Variants in KCNMA1 observed in about 807,000 individuals in gnomAD.
The protein encoded by KCNMA1 is potassium calcium-activated channel subfamily M alpha 1, also known as Calcium-activated potassium channel subunit alpha-1.
KCNMA1 carries 29 observed loss-of-function variants against 140.0 expected under a neutral mutation model. The observed-to-expected ratio is 0.21, with a 90% CI of 0.15 to 0.28. The LOEUF is 0.28. Ranked by LOEUF, KCNMA1 falls within the 10% of genes least tolerant of loss-of-function variation. The pLI, the probability that KCNMA1 is intolerant of heterozygous loss-of-function variation, is 1.00. For synonymous variants in KCNMA1, 612 were observed against 611.9 expected, an observed-to-expected ratio of 1.00 and a Z score of 0.00; for missense variants, 880 against 1,602.2, an observed-to-expected ratio of 0.55 and a Z score of 7.70.
intron 6 of KCNMA1, among the ~76,000 whole-genome samples, chr10:77,114,599 G>GCCCTTC (rs796415084): frequency 3.9e-5 from 6 of 152,238 alleles, no homozygotes; most frequent in African/African-American, 1.4e-4. Context: ...CAACTTGAAA[G>GCCCTTC]CCCTTCCCAT....
At chr10:77,578,037 T>C (rs2074762090) in intron 1 of KCNMA1, among the ~76,000 whole-genome samples, 1 of 152,224 alleles carries the variant, frequency 6.6e-6, no homozygotes, top group Admixed American at 6.5e-5. Context: ...ATTAAACTGG[T>C]GGGATTAGAG....
At chr10:77,629,999 G>A (rs1450592773) in intron 1 of KCNMA1, among the ~76,000 whole-genome samples, 1 of 152,162 alleles carries the variant, frequency 6.6e-6, no homozygotes, top group Non-Finnish European at 1.5e-5. Flanking sequence ...GTGAGAAAAG[G>A]AGCTACTTTC....
intron 1 of KCNMA1, among the ~76,000 whole-genome samples, chr10:77,592,559 G>A (rs1427546765): frequency 6.6e-6 from 1 of 152,148 alleles, no homozygotes; most frequent in African/African-American, 2.4e-5. Context: ...AAATCCAGTT[G>A]GGAAAGATGG....
At chr10:77,556,502 CAAAAAAA>C (rs11446237) in intron 1 of KCNMA1, among the ~76,000 whole-genome samples, 3 of 68,902 alleles carry the variant, frequency 4.4e-5, no homozygotes, top group Admixed American at 2.1e-4. Context: ...GGGACTATCT[CAAAAAAA>C]AAAAAAAAAA....
At chr10:77,125,735 A>G (rs1176656577) in intron 5 of KCNMA1, among the ~76,000 whole-genome samples, 1 of 152,240 alleles carries the variant, frequency 6.6e-6, no homozygotes, top group Non-Finnish European at 1.5e-5. Flanking sequence ...CTATATTTCC[A>G]GCATTGAACA....
At chr10:77,218,932 C>T (rs1192009098) in intron 3 of KCNMA1, among the ~76,000 whole-genome samples, 1 of 152,170 alleles carries the variant, frequency 6.6e-6, no homozygotes, top group South Asian at 2.1e-4. Flanking sequence ...AGTGATCTGC[C>T]CGCCTCGGCC....
intron 20 of KCNMA1, among the ~76,000 whole-genome samples, chr10:76,964,450 T>C (rs2073053691): frequency 6.6e-6 from 1 of 152,182 alleles, no homozygotes; most frequent in Non-Finnish European, 1.5e-5. Context: ...CATGACCATC[T>C]GCTGAGCATG....
intron 1 of KCNMA1, among the ~76,000 whole-genome samples, chr10:77,610,409 T>TA (rs2086397507): frequency 6.6e-6 from 1 of 151,560 alleles, no homozygotes; most frequent in Non-Finnish European, 1.5e-5. Context: ...TGCATATCCA[T>TA]AGCTGCCCTC....
chr10:76,938,439 A>G (rs960276793), intron 23 of KCNMA1, among the ~76,000 whole-genome samples: 3 of 152,100 alleles, frequency 2.0e-5, no homozygotes, highest in African/African-American at 7.2e-5. Flanking sequence ...TTCTTTTTCC[A>G]GTCCAAGGTT....
chr10:77,449,629 T>A (rs971851125), intron 1 of KCNMA1, among the ~76,000 whole-genome samples: 50 of 145,056 alleles, frequency 3.4e-4, no homozygotes, highest in African/African-American at 1.3e-3. Flanking sequence ...TTTTCAATTT[T>A]TTTTTTAATT....
intron 1 of KCNMA1, among the ~76,000 whole-genome samples, chr10:77,561,779 A>AG (rs2066486739): frequency 6.6e-6 from 1 of 152,198 alleles, no homozygotes; most frequent in South Asian, 2.1e-4. Context: ...GTTTCAGAGA[A>AG]GGGATAAGGT....
chr10:77,282,152 C>T (rs1157407328), intron 2 of KCNMA1, among the ~76,000 whole-genome samples: 3 of 152,272 alleles, frequency 2.0e-5, no homozygotes, highest in African/African-American at 7.2e-5. Context: ...TCCCACTTTC[C>T]TCCCATCCCT....
chr10:77,475,875 G>C (rs1361531369), intron 1 of KCNMA1, among the ~76,000 whole-genome samples: 2 of 152,132 alleles, frequency 1.3e-5, no homozygotes, highest in African/African-American at 4.8e-5. Context: ...CCTTGCTCAG[G>C]GTCTCACAGT....
At chr10:77,587,508 G>A (rs2154564046) in intron 1 of KCNMA1, among the ~76,000 whole-genome samples, 1 of 152,266 alleles carries the variant, frequency 6.6e-6, no homozygotes, top group African/African-American at 2.4e-5. Context: ...CAAGAGGGAG[G>A]GAACAGGAGC....
chr10:77,500,764 G>A (rs1387230060), intron 1 of KCNMA1, among the ~76,000 whole-genome samples: 2 of 152,178 alleles, frequency 1.3e-5, no homozygotes, highest in Non-Finnish European at 2.9e-5. Flanking sequence ...CATATATTAA[G>A]TTGTCCAAAA....
chr10:76,934,831 G>A (rs2060144258), intron 23 of KCNMA1, among the ~76,000 whole-genome samples: 1 of 152,188 alleles, frequency 6.6e-6, no homozygotes, highest in South Asian at 2.1e-4. Flanking sequence ...TCTGAGCCTA[G>A]GCTTTGGGCG....
intron 1 of KCNMA1, among the ~76,000 whole-genome samples, chr10:77,446,695 A>G (rs2097535560): frequency 6.6e-6 from 1 of 152,216 alleles, no homozygotes; most frequent in Non-Finnish European, 1.5e-5. Flanking sequence ...AGTTGACCTG[A>G]CTTCCTTAGA....
At chr10:77,097,041 A>C (rs2096950416) in intron 9 of KCNMA1, among the ~76,000 whole-genome samples, 1 of 152,136 alleles carries the variant, frequency 6.6e-6, no homozygotes. Context: ...CCAAAGCTTC[A>C]CGTTTGCCCC....
At chr10:76,944,596 T>C (rs2063435460) in intron 23 of KCNMA1, among the ~76,000 whole-genome samples, 177 bp downstream of exon 23, 1 of 152,166 alleles carries the variant, frequency 6.6e-6, no homozygotes. Flanking sequence ...CAAGCCTGCA[T>C]TCTGGAATGG....
Sources: allele counts gnomAD v4.1 joint callset (sites outside exome capture counted in the v4.1 genomes callset), GRCh38; gene constraint gnomAD v4.1.1; transcripts MANE v1.5; gene names NCBI Gene and HGNC (gene_info 2026-07-23, HGNC 2026-07-21).